Variants in SRGAP2C observed in about 807,000 individuals in gnomAD.
SRGAP2C encodes the protein SLIT-ROBO Rho GTPase activating protein 2C.
Under a neutral mutation model 25.1 loss-of-function variants are expected in SRGAP2C, and 15 were observed. That is an observed-to-expected ratio of 0.60 (90% CI 0.40 to 0.92). The LOEUF (loss-of-function observed/expected upper bound fraction) is 0.92, where lower values mean the gene tolerates loss of function less well. Among genes scored for constraint, SRGAP2C ranks in the 40% least tolerant of loss-of-function variants. The pLI is 0.00. For synonymous variants in SRGAP2C, 44 were observed against 96.6 expected, an observed-to-expected ratio of 0.46 and a Z score of 3.19; for missense variants, 144 against 264.4, an observed-to-expected ratio of 0.54 and a Z score of 3.16.
chr1:121,378,777 G>A (rs1200831029), intron 7 of SRGAP2C, among the ~76,000 whole-genome samples: 3 of 152,114 alleles, frequency 2.0e-5, no homozygotes, highest in Non-Finnish European at 4.4e-5. Context: ...ATAAGGCATT[G>A]AGGATAAGTG....
chr1:121,221,899 A>G (rs1655534272), intron 2 of SRGAP2C, among the ~76,000 whole-genome samples: 1 of 152,062 alleles, frequency 6.6e-6, no homozygotes, highest in African/African-American at 2.4e-5. Context: ...CTGTAAACTC[A>G]TGGAGCTGGC....
intron 2 of SRGAP2C, among the ~76,000 whole-genome samples, chr1:121,237,631 C>T (rs1655991258): frequency 6.6e-6 from 1 of 152,012 alleles, no homozygotes; most frequent in South Asian, 2.1e-4. Flanking sequence ...GTAAAGGTAA[C>T]AGAATGACTC....
intron 2 of SRGAP2C, among the ~76,000 whole-genome samples, chr1:121,269,965 T>C (rs1375479557): frequency 1.3e-5 from 2 of 151,746 alleles, no homozygotes; most frequent in Non-Finnish European, 2.9e-5. Flanking sequence ...GTTGTTTCTT[T>C]TTTTGCCTTG....
intron 2 of SRGAP2C, among the ~76,000 whole-genome samples, chr1:121,264,477 C>G (rs1454640362): frequency 8.8e-6 from 1 of 113,668 alleles, no homozygotes; most frequent in Non-Finnish European, 1.8e-5. Flanking sequence ...AGCTTGACCC[C>G]TGCTTCTTTC....
intron 2 of SRGAP2C, among the ~76,000 whole-genome samples, chr1:121,271,113 TG>T (rs1408830162): frequency 1.3e-5 from 2 of 151,274 alleles, no homozygotes; most frequent in Non-Finnish European, 3.0e-5. Flanking sequence ...TTTTTTTTTT[TG>T]GTGTTTTGTT....
chr1:121,297,121 T>C (rs1269993183), intron 3 of SRGAP2C, among the ~76,000 whole-genome samples: 1 of 151,492 alleles, frequency 6.6e-6, no homozygotes, highest in Admixed American at 6.6e-5. Flanking sequence ...TCTCCATGGC[T>C]CAAGATGCCT....
At chr1:121,289,296 T>A in intron 3 of SRGAP2C, among the ~76,000 whole-genome samples, 1 of 143,740 alleles carries the variant, frequency 7.0e-6, no homozygotes, top group Non-Finnish European at 1.5e-5. Context: ...ACAGCGCCGA[T>A]GGTCCGGCAC....
At chr1:121,315,142 G>A (rs1464036919) in intron 3 of SRGAP2C, 60 of 387,290 alleles carry the variant, frequency 1.5e-4, no homozygotes, top group East Asian at 5.8e-4. Context: ...CTCTACCTCC[G>A]TCTCTATTTA....
intron 7 of SRGAP2C, among the ~76,000 whole-genome samples, chr1:121,379,336 A>AT (rs1202886506): frequency 6.6e-6 from 1 of 150,862 alleles, no homozygotes; most frequent in Non-Finnish European, 1.5e-5. Context: ...GGCTGTCATT[A>AT]ACTTCTTACA....
chr1:121,286,235 T>G (rs1487697177), intron 3 of SRGAP2C, among the ~76,000 whole-genome samples: 3 of 130,132 alleles, frequency 2.3e-5, no homozygotes, highest in Non-Finnish European at 4.9e-5. Flanking sequence ...ATTGTCTATG[T>G]TCTTTTTATT....
intron 2 of SRGAP2C, among the ~76,000 whole-genome samples, chr1:121,216,305 G>A (rs1432278543): frequency 6.6e-6 from 1 of 152,050 alleles, no homozygotes; most frequent in Non-Finnish European, 1.5e-5. Flanking sequence ...CAGCAATGCT[G>A]TCTCTTCCAT....
At chr1:121,277,517 GA>G (rs1332067980) in intron 2 of SRGAP2C, among the ~76,000 whole-genome samples, 1 of 148,898 alleles carries the variant, frequency 6.7e-6, no homozygotes, top group Non-Finnish European at 1.5e-5. Flanking sequence ...AAAGTGCTAG[GA>G]TTACAGGTGT....
At chr1:121,303,995 G>A (rs1473508720) in intron 3 of SRGAP2C, among the ~76,000 whole-genome samples, 17 of 147,420 alleles carry the variant, frequency 1.2e-4, no homozygotes, top group Non-Finnish European at 1.4e-4. Flanking sequence ...ATGAGGTCAG[G>A]AGATCAAGAC....
chr1:121,384,932 A>G (rs587762093), intron 8 of SRGAP2C, among the ~76,000 whole-genome samples: 62 of 152,140 alleles, frequency 4.1e-4, no homozygotes, highest in African/African-American at 1.5e-3. Flanking sequence ...CCCTCCCTTT[A>G]TGTAATATAG....
chr1:121,367,870 C>T (rs1482985555), intron 5 of SRGAP2C, among the ~76,000 whole-genome samples: 8 of 142,064 alleles, frequency 5.6e-5, no homozygotes, highest in Non-Finnish European at 7.6e-5. Context: ...GTCAGGAGAT[C>T]GAGACCATCC....
chr1:121,211,545 T>C (rs1336340112), intron 2 of SRGAP2C, among the ~76,000 whole-genome samples: 19 of 150,274 alleles, frequency 1.3e-4, no homozygotes, highest in Non-Finnish European at 2.5e-4. Flanking sequence ...TTATGCCTCA[T>C]AAGTAAAGAA....
chr1:121,375,833 G>C (rs1553353026), intron 7 of SRGAP2C, among the ~76,000 whole-genome samples: 1 of 151,798 alleles, frequency 6.6e-6, no homozygotes, highest in African/African-American at 2.4e-5. Context: ...TCAAGGTCCA[G>C]AGGACTACGA....
rs587616432 is a variant in SRGAP2C at position 121,275,663 on chromosome 1, T to C, written c.68-9140T>C. On this transcript the variant is annotated intron_variant, in intron 2 of 9. Coordinates refer to ENST00000367123, the MANE Select transcript of SRGAP2C (RefSeq NM_001329984.2). ...CGATGATATTGAAATATCCCTCTCA[T>C]TGGCTTTATGAGATTGTCTTCTGTG... 4.0e-5 allele frequency among the ~76,000 whole-genome samples: 6 copies of C among 151,408 alleles called. No individual in the cohort carries two copies. The East Asian group carries it at 1.2e-3, about 29-fold the overall frequency.
At chr1:121,387,342 AATATT>A (rs1196953279) in intron 9 of SRGAP2C, among the ~76,000 whole-genome samples, 2 of 33,116 alleles carry the variant, frequency 6.0e-5, no homozygotes, top group African/African-American at 2.6e-4. Context: ...GTTGTTATAT[AATATT>A]ATAATAATGC....
Sources: gnomAD v4.1 joint callset for allele counts (sites outside exome capture counted in the v4.1 genomes callset) on GRCh38, gnomAD v4.1.1 for gene constraint, MANE v1.5 for transcripts, NCBI Gene and HGNC (gene_info 2026-07-23, HGNC 2026-07-21) for gene names.